Variants in SUGCT observed in about 807,000 individuals in gnomAD.
SUGCT encodes the protein succinyl-CoA:glutarate CoA-transferase.
SUGCT carries 41 observed loss-of-function variants against 55.0 expected under a neutral mutation model. That is an observed-to-expected ratio of 0.74 (90% CI 0.58 to 0.97). SUGCT has a LOEUF of 0.97. Ranked by LOEUF, SUGCT falls within the 50% of genes least tolerant of loss-of-function variation. The pLI is 0.00. For missense variants in SUGCT, 568 were observed against 547.8 expected, an observed-to-expected ratio of 1.04 and a Z score of -0.37; for synonymous variants, 187 against 200.4, an observed-to-expected ratio of 0.93 and a Z score of 0.56.
chr7:40,846,961 T>C (rs1406174802), intron 13 of SUGCT, among the ~76,000 whole-genome samples: 3 of 152,216 alleles, frequency 2.0e-5, no homozygotes, highest in African/African-American at 2.4e-5. Context: ...GAAAGCATTA[T>C]GCCAAGTGCT....
chr7:40,634,270 A>G (rs1011008099), intron 12 of SUGCT, among the ~76,000 whole-genome samples: 1 of 152,256 alleles, frequency 6.6e-6, no homozygotes, highest in South Asian at 2.1e-4. Flanking sequence ...GAGACGGGAA[A>G]GAGGGAGCTA....
At chr7:40,422,505 C>G (rs539847357) in intron 9 of SUGCT, among the ~76,000 whole-genome samples, 1 of 152,246 alleles carries the variant, frequency 6.6e-6, no homozygotes, top group East Asian at 1.9e-4. Flanking sequence ...ATTGTATATG[C>G]CACATTTGCA....
rs754587338 is a variant in SUGCT, at chr7:40,195,033, C to T, written c.457C>T (p.Pro153Ser). The change falls in exon 6 of 14, where the codon CCT becomes TCT. Residue 153 changes from proline to serine, a missense_variant. Physicochemically the swap from Pro to Ser is moderately conservative, Grantham distance 74. Coordinates refer to ENST00000335693, the MANE Select transcript of SUGCT (RefSeq NM_001193313.2). Reference sequence around the variant, plus strand: ...ATATGAAGATATAGACGAGATTGCTCCTCACATCATCTATTGTTCCATCAC... The same window carrying T: ...ATATGAAGATATAGACGAGATTGCTTCTCACATCATCTATTGTTCCATCAC... ...LGYEDIDEIA[P>S]HIIYCSITGY... 3.7e-6 allele frequency: 6 copies of T among 1,613,560 alleles called. No individual in the cohort carries two copies. The East Asian group carries it at 1.1e-4, about 30-fold the overall frequency.
intron 13 of SUGCT, among the ~76,000 whole-genome samples, chr7:40,760,461 G>A (rs534484474): frequency 8.5e-5 from 13 of 152,072 alleles, no homozygotes; most frequent in Non-Finnish European, 1.8e-4. Flanking sequence ...GCCAGTTAGT[G>A]TTTACAGAAT....
rs572520023 is a variant in SUGCT at position 40,692,220 on chromosome 7, C to A, written c.1090-57214C>A. 3.3e-5 allele frequency among the ~76,000 whole-genome samples: 5 copies of A among 152,282 alleles called. No individual in the cohort carries two copies. In the East Asian group the frequency reaches 9.7e-4, roughly 29 times the overall value. On this transcript the variant is annotated intron_variant, in intron 12 of 13. Transcript: ENST00000335693. ...TATAGTAGTGGTACTTAGGGGGAAT[C>A]ATGAACAACTGAGTGGTGCAGACAA...
chr7:40,570,967 C>G (rs1796419853), intron 12 of SUGCT, among the ~76,000 whole-genome samples: 1 of 141,772 alleles, frequency 7.1e-6, no homozygotes, highest in Non-Finnish European at 1.5e-5. Flanking sequence ...TCAAGCGATT[C>G]TCCTGCCTCA....
intron 1 of SUGCT, among the ~76,000 whole-genome samples, chr7:40,142,758 T>C (rs1175939726): frequency 6.6e-6 from 1 of 152,242 alleles, no homozygotes; most frequent in Non-Finnish European, 1.5e-5. Context: ...ACAACATTTG[T>C]GTTTTAATCA....
intron 7 of SUGCT, among the ~76,000 whole-genome samples, chr7:40,259,602 G>A (rs1224572442): frequency 6.6e-6 from 1 of 152,194 alleles, no homozygotes; most frequent in Non-Finnish European, 1.5e-5. Context: ...TGGTTGTAAA[G>A]TGATGGTGCA....
the SUGCT span, among the ~76,000 whole-genome samples, chr7:40,964,497 C>A: frequency 1.6e-4 from 25 of 152,122 alleles, no homozygotes; most frequent in Admixed American, 2.6e-4. Context: ...ATGTCATAGG[C>A]ACTTGGATCC....
At chr7:40,720,208 A>C (rs192628938) in intron 12 of SUGCT, among the ~76,000 whole-genome samples, 38 of 152,294 alleles carry the variant, frequency 2.5e-4, no homozygotes, top group Non-Finnish European at 4.9e-4. Context: ...TTAAGTCACA[A>C]ACTCCTTGGT....
intron 8 of SUGCT, among the ~76,000 whole-genome samples, chr7:40,282,558 G>C (rs1554301186): frequency 6.6e-6 from 1 of 151,948 alleles, no homozygotes; most frequent in Non-Finnish European, 1.5e-5. Context: ...GAATGAGGTT[G>C]GACCCTTATC....
chr7:41,029,127 C>T, the SUGCT span, among the ~76,000 whole-genome samples: 993 of 152,208 alleles, frequency 6.5e-3, 10 homozygotes, highest in African/African-American at 0.023. Context: ...TGGGAGCCCT[C>T]GTGAGGACTC....
chr7:40,991,878 C>T, the SUGCT span, among the ~76,000 whole-genome samples: 1 of 152,008 alleles, frequency 6.6e-6, no homozygotes, highest in Non-Finnish European at 1.5e-5. Context: ...GCTGAGTTTT[C>T]TCAGCTATTT....
chr7:40,911,594 CT>C, the SUGCT span, among the ~76,000 whole-genome samples: 1 of 149,466 alleles, frequency 6.7e-6, no homozygotes, highest in South Asian at 2.1e-4. Flanking sequence ...AGTCTCTCAA[CT>C]TTGGCACTTT....
chr7:40,915,327 T>C, the SUGCT span, among the ~76,000 whole-genome samples: 186 of 152,152 alleles, frequency 1.2e-3, no homozygotes, highest in Non-Finnish European at 2.4e-3. Context: ...ATTTCAAGGA[T>C]CATGACTCAA....
intron 13 of SUGCT, among the ~76,000 whole-genome samples, chr7:40,821,193 A>G (rs1791975133): frequency 6.6e-6 from 1 of 152,106 alleles, no homozygotes. Context: ...TTTTTGCATC[A>G]ATGTTCATCA....
At chr7:40,963,629 G>A in the SUGCT span, among the ~76,000 whole-genome samples, 1 of 152,068 alleles carries the variant, frequency 6.6e-6, no homozygotes, top group Non-Finnish European at 1.5e-5. Flanking sequence ...ATTTAATAAT[G>A]GCAAATGGCA....
At chr7:40,960,571 T>C in the SUGCT span, among the ~76,000 whole-genome samples, 1 of 152,186 alleles carries the variant, frequency 6.6e-6, no homozygotes, top group Non-Finnish European at 1.5e-5. Context: ...ATCTAAAAGA[T>C]GTTGTAGATT....
chr7:40,601,984 TG>T (rs1265383184), intron 12 of SUGCT, among the ~76,000 whole-genome samples: 8 of 152,226 alleles, frequency 5.3e-5, no homozygotes, highest in Middle Eastern at 3.2e-3. Flanking sequence ...ATAGTTTCTT[TG>T]GACTTTTATA....
Sources: allele counts gnomAD v4.1 joint callset (sites outside exome capture counted in the v4.1 genomes callset), GRCh38; gene constraint gnomAD v4.1.1; transcripts MANE v1.5; gene names NCBI Gene and HGNC (gene_info 2026-07-23, HGNC 2026-07-21).